Variants in NKAIN3 observed in about 807,000 individuals in gnomAD.
The protein encoded by NKAIN3 is sodium/potassium transporting ATPase interacting 3, also known as sodium/potassium-transporting ATPase subunit beta-1-interacting protein 3.
A neutral mutation model predicts 30.2 loss-of-function variants in NKAIN3; 25 were observed. The observed-to-expected ratio is 0.83, with a 90% confidence interval of 0.60 to 1.16. NKAIN3 has a LOEUF of 1.16. Among genes scored for constraint, NKAIN3 ranks in the 50% most tolerant of loss-of-function variants. The pLI, the probability that NKAIN3 is intolerant of heterozygous loss-of-function variation, is 0.00. For synonymous variants in NKAIN3, 91 were observed against 89.6 expected (o/e 1.02, Z -0.09); for missense variants, 225 against 254.1 (o/e 0.89, Z 0.78).
chr8:62,434,332 A>G (rs1200954139), intron 1 of NKAIN3, among the ~76,000 whole-genome samples: 2 of 152,124 alleles, frequency 1.3e-5, no homozygotes, highest in Non-Finnish European at 2.9e-5. Flanking sequence ...AACAGTTATG[A>G]GGAGCTTAGA....
chr8:62,333,636 G>T (rs1345736460), intron 1 of NKAIN3, among the ~76,000 whole-genome samples: 1 of 152,034 alleles, frequency 6.6e-6, no homozygotes, highest in African/African-American at 2.4e-5. Flanking sequence ...CTATATATAT[G>T]AACGTATAGT....
intron 1 of NKAIN3, among the ~76,000 whole-genome samples, chr8:62,506,038 A>G (rs1807624570): frequency 6.6e-6 from 1 of 152,124 alleles, no homozygotes; most frequent in Admixed American, 6.6e-5. Context: ...GATCATTACT[A>G]CATACTCACA....
intron 4 of NKAIN3, among the ~76,000 whole-genome samples, chr8:62,833,717 T>G: frequency 6.6e-6 from 1 of 150,618 alleles, no homozygotes; most frequent in East Asian, 1.9e-4. Flanking sequence ...AAGCCCCACA[T>G]GGATTCACAG....
At chr8:62,362,476 A>G (rs1235359779) in intron 1 of NKAIN3, among the ~76,000 whole-genome samples, 1 of 152,184 alleles carries the variant, frequency 6.6e-6, no homozygotes, top group Non-Finnish European at 1.5e-5. Context: ...AGTGAGCCAA[A>G]TGTAAGGACA....
At chr8:62,666,692 C>T (rs1299810581) in intron 3 of NKAIN3, among the ~76,000 whole-genome samples, 1 of 152,034 alleles carries the variant, frequency 6.6e-6, no homozygotes, top group African/African-American at 2.4e-5. Context: ...TAAAGGAAGT[C>T]CTAACACTAT....
At chr8:62,955,867 T>G (rs1823405479) in intron 6 of NKAIN3, among the ~76,000 whole-genome samples, 1 of 152,256 alleles carries the variant, frequency 6.6e-6, no homozygotes, top group Non-Finnish European at 1.5e-5. Flanking sequence ...TCAGCACCCC[T>G]GTTCACTGCT....
intron 3 of NKAIN3, among the ~76,000 whole-genome samples, chr8:62,674,832 A>C (rs780775066): frequency 3.9e-5 from 6 of 152,192 alleles, no homozygotes; most frequent in Non-Finnish European, 8.8e-5. Flanking sequence ...TACCTACTTT[A>C]CAGAGAAGAA....
chr8:62,277,269 T>C (rs1812994015), intron 1 of NKAIN3, among the ~76,000 whole-genome samples: 1 of 152,226 alleles, frequency 6.6e-6, no homozygotes, highest in Admixed American at 6.5e-5. Context: ...GGGTATTTTT[T>C]TGTAATCTGC....
intron 3 of NKAIN3, among the ~76,000 whole-genome samples, chr8:62,745,838 G>T (rs7003189): frequency 0.22 from 33,817 of 152,022 alleles, 4,688 homozygotes; most frequent in African/African-American, 0.38. Flanking sequence ...GCTTTGGAGG[G>T]GGAAGACAGC....
rs117623292 is a variant in NKAIN3, at chr8:62,574,430, G to A, written c.55-5109G>A. Among the ~76,000 whole-genome samples, 56 of 152,132 alleles carry A rather than the reference G, an allele frequency of 3.7e-4. No homozygotes were observed. In the East Asian group the frequency reaches 0.01, roughly 27 times the overall value. On this transcript the variant is annotated intron_variant, in intron 1 of 6. Coordinates refer to ENST00000623646, the MANE Select transcript of NKAIN3 (RefSeq NM_001304533.3). Reference sequence around the variant, plus strand: ...ATAAGTGAGATTGCTGGATCATATGGTAGCTCTATTTTTAGTTTTTTGAAT... The same window carrying A: ...ATAAGTGAGATTGCTGGATCATATGATAGCTCTATTTTTAGTTTTTTGAAT...
chr8:62,702,988 A>G (rs530060514), intron 3 of NKAIN3, among the ~76,000 whole-genome samples: 1 of 152,346 alleles, frequency 6.6e-6, no homozygotes, highest in Non-Finnish European at 1.5e-5. Context: ...TCAAATTGTC[A>G]GCATTAATGA....
chr8:62,886,161 C>CT lies in NKAIN3; in HGVS notation c.472-32282dup, dbSNP rs201069172. ...ATCAGATCAATTATACTTTCTTTAA[C>CT]TTTTTTTTTTAGTGATTGCCCTAGA... On this transcript the variant is annotated intron_variant, in intron 4 of 6. Transcript: ENST00000623646. Among the ~76,000 whole-genome samples, 193 of 147,836 alleles carry CT rather than the reference C, an allele frequency of 1.3e-3. 1 individual carries two copies. Among genetic ancestry groups the CT allele is most frequent in the African/African-American group, 4.2e-3 (169 of 40,536 alleles).
intron 3 of NKAIN3, among the ~76,000 whole-genome samples, chr8:62,652,956 G>A (rs1470245391): frequency 6.6e-6 from 1 of 152,112 alleles, no homozygotes; most frequent in Non-Finnish European, 1.5e-5. Context: ...GAAAGAAACA[G>A]AACCAGGAAA....
At chr8:62,515,915 GTCT>G (rs1477000370) in intron 1 of NKAIN3, among the ~76,000 whole-genome samples, 1 of 152,004 alleles carries the variant, frequency 6.6e-6, no homozygotes, top group Non-Finnish European at 1.5e-5. Context: ...TGTGTTTCCT[GTCT>G]TCTTGATTTG....
intron 1 of NKAIN3, among the ~76,000 whole-genome samples, chr8:62,565,806 T>C (rs1809730774): frequency 6.6e-6 from 1 of 152,156 alleles, no homozygotes; most frequent in Non-Finnish European, 1.5e-5. Flanking sequence ...TAACTTATCC[T>C]AGCCTCCCTT....
intron 1 of NKAIN3, among the ~76,000 whole-genome samples, chr8:62,350,208 A>C (rs1465741959): frequency 1.3e-5 from 2 of 152,240 alleles, no homozygotes; most frequent in African/African-American, 4.8e-5. Context: ...AAAGGTGGAA[A>C]TCATCCAAAA....
In NKAIN3 at chr8:62,971,643, C is replaced by CG. The variant is rs146242935; in HGVS notation, c.*6244dup. Among the ~76,000 whole-genome samples, 22,222 of 150,406 alleles carry CG rather than the reference C, an allele frequency of 0.15. 1,906 individuals carry two copies. Among genetic ancestry groups the CG allele is most frequent in the East Asian group, 0.23 (1,150 of 5,028 alleles). On this transcript the variant is annotated 3_prime_UTR_variant, in exon 7 of 7. Transcript: ENST00000623646. ...GCCAAACCTTGTCTCAAAAAAAAAG[C>CG]GGGGGGGGCTTCATTTATTAGTAAG...
intron 4 of NKAIN3, among the ~76,000 whole-genome samples, chr8:62,854,792 C>G (rs1352180835): frequency 1.3e-5 from 2 of 152,166 alleles, no homozygotes; most frequent in African/African-American, 4.8e-5. Flanking sequence ...TTCATAGTGT[C>G]ACTAGTCTGT....
chr8:62,963,401 T>C (rs1415674475), intron 6 of NKAIN3, among the ~76,000 whole-genome samples: 3 of 152,236 alleles, frequency 2.0e-5, no homozygotes, highest in East Asian at 1.9e-4. Flanking sequence ...GCTTCACCAA[T>C]CCATGTTGCT....
Sources: allele counts gnomAD v4.1 joint callset (sites outside exome capture counted in the v4.1 genomes callset), GRCh38; gene constraint gnomAD v4.1.1; transcripts MANE v1.5; gene names NCBI Gene and HGNC (gene_info 2026-07-23, HGNC 2026-07-21).